Variants in VPS13B observed in about 807,000 individuals in gnomAD.
The protein encoded by VPS13B is intermembrane lipid transfer protein VPS13B.
A neutral mutation model predicts 426.4 loss-of-function variants in VPS13B; 285 were observed. The ratio of observed to expected loss-of-function variants is 0.67; its 90% confidence interval spans 0.61 to 0.74. The LOEUF (loss-of-function observed/expected upper bound fraction) is 0.74, where lower values mean the gene tolerates loss of function less well. Ranked by LOEUF, VPS13B falls within the 30% of genes least tolerant of loss-of-function variation. The probability of loss-of-function intolerance (pLI) is 0.00; values close to 1 mark genes in which losing one functional copy is unlikely to be tolerated. For synonymous variants in VPS13B, 1,676 were observed against 1,676.4 expected (o/e 1.00, Z 0.01); for missense variants, 4,537 against 4,782.6 (o/e 0.95, Z 1.51).
intron 40 of VPS13B, among the ~76,000 whole-genome samples, chr8:99,771,740 TC>T (rs1811501896): frequency 6.6e-6 from 1 of 152,238 alleles, no homozygotes; most frequent in South Asian, 2.1e-4. Context: ...ATTGTTTCTC[TC>T]CATTTGGCTA....
At chr8:99,692,400 C>T (rs1243040556) in intron 35 of VPS13B, among the ~76,000 whole-genome samples, 9 of 139,430 alleles carry the variant, frequency 6.5e-5, no homozygotes, top group South Asian at 2.4e-4. Flanking sequence ...CACTCAAAGC[C>T]GCTCAACTAC....
rs760166376 is a variant in VPS13B at position 99,819,429 on chromosome 8, C to T, written c.8639C>T (p.Ser2880Leu). ...TTTCCTAGAGAAGAATATGATCCTTCAGATTGTGCAGTTCCCATCTCAACA... is the reference window on the plus strand; with the variant it reads ...TTTCCTAGAGAAGAATATGATCCTTTAGATTGTGCAGTTCCCATCTCAACA... ...TFQAREEYDPSDCAVPISTSL... is the reference protein window; with the variant it reads ...TFQAREEYDPLDCAVPISTSL... Residue 2880 changes from serine (S) to leucine (L), a missense_variant, in exon 48 of 62, where the codon TCA (serine) becomes TTA (leucine). Ser to Leu is a moderately radical substitution (Grantham distance 145, BLOSUM62 -2). Coordinates refer to ENST00000357162, the MANE Select transcript of VPS13B (RefSeq NM_152564.5). 15 of 1,613,692 alleles carry T rather than the reference C, an allele frequency of 9.3e-6. No homozygotes were observed. In the Admixed American group the frequency reaches 2.5e-4, roughly 27 times the overall value.
intron 33 of VPS13B, among the ~76,000 whole-genome samples, chr8:99,587,032 C>A (rs965012986): frequency 1.3e-5 from 2 of 152,088 alleles, no homozygotes; most frequent in African/African-American, 2.4e-5. Flanking sequence ...TCCAAGTGTT[C>A]TCATTGTTCA....
intron 4 of VPS13B, among the ~76,000 whole-genome samples, chr8:99,099,674 T>G (rs1846621585): frequency 6.6e-6 from 1 of 152,110 alleles, no homozygotes; most frequent in Non-Finnish European, 1.5e-5. Flanking sequence ...TGGAGGACAT[T>G]GGAGAAGACA....
chr8:99,623,521 T>A (rs977761615), intron 33 of VPS13B, among the ~76,000 whole-genome samples: 1 of 152,204 alleles, frequency 6.6e-6, no homozygotes, highest in African/African-American at 2.4e-5. Flanking sequence ...CTTAAATTAC[T>A]GGGCACATAG....
At chr8:99,025,672 T>A (rs914757983) in intron 2 of VPS13B, among the ~76,000 whole-genome samples, 5 of 152,192 alleles carry the variant, frequency 3.3e-5, no homozygotes, top group Admixed American at 1.3e-4. Context: ...AATTCAGTAG[T>A]GAAGCCATTC....
chr8:99,263,577 C>A (rs1037217904), intron 17 of VPS13B, among the ~76,000 whole-genome samples: 21 of 152,128 alleles, frequency 1.4e-4, no homozygotes, highest in Non-Finnish European at 1.0e-4. Flanking sequence ...TGGCCTGTGA[C>A]CCCCTTCCCC....
intron 27 of VPS13B, among the ~76,000 whole-genome samples, chr8:99,506,852 A>G (rs1414694464): frequency 6.6e-6 from 1 of 152,228 alleles, no homozygotes; most frequent in Admixed American, 6.5e-5. Flanking sequence ...GCAAGGCTCT[A>G]TCTTTAAAAA....
At chr8:99,016,506 CTTTT>C (rs201275543) in intron 2 of VPS13B, among the ~76,000 whole-genome samples, 1 of 93,200 alleles carries the variant, frequency 1.1e-5, no homozygotes, top group Non-Finnish European at 2.4e-5. Context: ...ATTTAGCTAT[CTTTT>C]TTTTTTTTTG....
At chr8:99,702,425 C>G (rs572899900) in intron 36 of VPS13B, among the ~76,000 whole-genome samples, 3 of 152,236 alleles carry the variant, frequency 2.0e-5, no homozygotes, top group Non-Finnish European at 2.9e-5. Flanking sequence ...AAGTAGTCAT[C>G]TCAGATGTAC....
At chr8:99,315,659 C>T (rs1163241728) in intron 19 of VPS13B, among the ~76,000 whole-genome samples, 18 of 147,380 alleles carry the variant, frequency 1.2e-4, no homozygotes, top group Admixed American at 4.7e-4. Context: ...TTTTTTGAGA[C>T]GGAGTCTTGC....
rs769942311 is a variant in VPS13B at position 99,819,910 on chromosome 8, T to C, written c.8793-11T>C. On this transcript the variant is annotated splice_polypyrimidine_tract_variant and intron_variant, in intron 48 of 61. Transcript: ENST00000357162. ...TTTCATTGAGTCTCTTGGATGTGGT[T>C]TTTGGAACAGGAATGAACAGCTAAG... 3 of 1,613,848 alleles carry C rather than the reference T, an allele frequency of 1.9e-6. No individual in the cohort carries two copies. The South Asian group carries it at 3.3e-5, about 18-fold the overall frequency.
At chr8:99,341,764 G>A in intron 19 of VPS13B, 1 of 392,244 alleles carries the variant, frequency 2.5e-6, no homozygotes, top group Non-Finnish European at 5.2e-6. Flanking sequence ...TCAGCAATCT[G>A]GGTCAAACCC....
chr8:99,359,849 C>A (rs1812400189), intron 19 of VPS13B, among the ~76,000 whole-genome samples: 1 of 152,192 alleles, frequency 6.6e-6, no homozygotes, highest in African/African-American at 2.4e-5. Flanking sequence ...GTTGCCCAGG[C>A]TGGAGTGCAG....
At chr8:99,125,132 A>C (rs1834489056) in intron 8 of VPS13B, among the ~76,000 whole-genome samples, 1 of 152,150 alleles carries the variant, frequency 6.6e-6, no homozygotes, top group South Asian at 2.1e-4. Flanking sequence ...CAAGTTGAGG[A>C]GCAAGTAAGC....
chr8:99,811,246 ACCATTCCACCACCTTTCC>A (rs947649407), intron 44 of VPS13B, among the ~76,000 whole-genome samples: 3 of 152,098 alleles, frequency 2.0e-5, no homozygotes, highest in African/African-American at 7.2e-5. Context: ...AAAATCTTTC[ACCATTCCACCACCTTTCC>A]CCATTCCCTA....
intron 19 of VPS13B, among the ~76,000 whole-genome samples, chr8:99,288,052 A>G (rs1046812082): frequency 2.0e-4 from 30 of 152,048 alleles, no homozygotes; most frequent in African/African-American, 5.8e-4. Context: ...ATAATCACAA[A>G]TTATCTTTGT....
intron 19 of VPS13B, among the ~76,000 whole-genome samples, chr8:99,356,073 T>C (rs896345463): frequency 4.6e-5 from 7 of 152,194 alleles, no homozygotes; most frequent in African/African-American, 1.4e-4. Flanking sequence ...TAATTGCTTA[T>C]ATTATAATTT....
chr8:99,734,114 A>C (rs983885346), intron 39 of VPS13B, among the ~76,000 whole-genome samples: 6 of 152,232 alleles, frequency 3.9e-5, no homozygotes, highest in African/African-American at 1.4e-4. Context: ...AAGTGGAATC[A>C]TATAAATATA....
Sources: gnomAD v4.1 joint callset for allele counts (sites outside exome capture counted in the v4.1 genomes callset) on GRCh38, gnomAD v4.1.1 for gene constraint, MANE v1.5 for transcripts, NCBI Gene and HGNC (gene_info 2026-07-23, HGNC 2026-07-21) for gene names.